The following PIGS variants were observed in gnomAD, a reference collection of about 807,000 sequenced individuals.
The protein encoded by PIGS is GPI-anchor transamidase component PIGS.
Under a neutral mutation model 58.2 loss-of-function variants are expected in PIGS, and 37 were observed. The ratio of observed to expected loss-of-function variants is 0.64; its 90% confidence interval spans 0.49 to 0.84. The LOEUF is 0.84. Among genes scored for constraint, PIGS ranks in the 40% least tolerant of loss-of-function variants. The pLI is 0.00. For synonymous variants in PIGS, 269 were observed against 289.2 expected (o/e 0.93, Z 0.71); for missense variants, 629 against 710.8 (o/e 0.88, Z 1.31).
At chr17:28,556,321 G>T (rs1486855312) in intron 9 of PIGS, 55 bp from the exon 10 acceptor site, 9 of 1,323,124 alleles carry the variant, frequency 6.8e-6, no homozygotes, top group Non-Finnish European at 9.8e-6. Flanking sequence ...GCACAGCTCT[G>T]CCCTAGGCAC....
intron 3 of PIGS, among the ~76,000 whole-genome samples, chr17:28,565,712 G>T (rs1406482417): frequency 3.9e-5 from 6 of 152,082 alleles, no homozygotes; most frequent in Non-Finnish European, 7.3e-5. Flanking sequence ...AACACAGTGA[G>T]ACCCCGTCTC....
rs1298942978 is a variant in PIGS, at chr17:28,554,344, T to G, written c.1544A>C (p.Asp515Ala). ...PSLLHLLYFP[D>A]DQKFAIYIPL... The stretch of plus-strand genomic sequence containing the variant: ...GATGTAGATGGCAAACTTCTGGTCA[T>G]CAGGGAAATAAAGGAGGTGGAGGAG... The change falls in exon 12 of 12, where the codon GAT (aspartate) becomes GCT (alanine). Residue 515 changes from aspartate to alanine, a missense_variant. Coordinates refer to ENST00000308360, the MANE Select transcript of PIGS (RefSeq NM_033198.4). The G allele has an allele frequency of 6.2e-7, 1 of 1,614,038 alleles. No homozygotes were observed. The highest frequency in any genetic ancestry group is 8.5e-7 in the Non-Finnish European group (1 of 1,180,032).
At position 28,571,075 on chromosome 17, in the gene PIGS, G is replaced by A; in HGVS notation, c.148C>T (p.Gln50Ter). 6.2e-7 allele frequency: 1 copy of A among 1,614,144 alleles called. No individual in the cohort carries two copies. Among genetic ancestry groups the A allele is most frequent in the South Asian group, 1.1e-5 (1 of 91,080 alleles). Residue 50 changes from glutamine to a stop codon, truncating the protein, a stop_gained, in exon 2 of 12, where the codon CAG (glutamine) becomes TAG (stop). Coordinates refer to ENST00000308360, the MANE Select transcript of PIGS (RefSeq NM_033198.4). LOFTEE classifies it high-confidence loss of function. ...TGAAGGGCATTCAGGCCACTGATCT[G>A]GGAGTAAGGCAACGAGGCCCGGTAG... ...ETYRASLPYS[Q>*]ISGLNALQLR...
intron 6 of PIGS, 24 bp from the exon 7 acceptor site, chr17:28,560,215 G>C (rs2070355097): frequency 6.2e-7 from 1 of 1,605,922 alleles, no homozygotes; most frequent in African/African-American, 1.3e-5. Flanking sequence ...AGTCAGGGAA[G>C]TCAGAGGCTC....
Position 28,554,048 on chromosome 17 carries a change from A to G in PIGS, c.*172T>C. 1 of 814,878 alleles carries G rather than the reference A, an allele frequency of 1.2e-6. No individual in the cohort carries two copies. The highest frequency in any genetic ancestry group is 2.7e-5 in the East Asian group (1 of 37,722). The allele number at this position is 814,878 out of a possible 1,614,324, so 50.5% of individuals were successfully genotyped here. A position where few individuals can be genotyped will look rare whatever the true frequency, so the allele number is the denominator to read the frequency against. ...GATTGAGCCAGGTGAATGGGAAAGG[A>G]AGAAAAGATGAACCCATCTTGGAGT... is the stretch of plus-strand genomic sequence containing the variant. On this transcript the variant is annotated 3_prime_UTR_variant, in exon 12 of 12. Transcript: ENST00000308360.
intron 10 of PIGS, chr17:28,555,933 C>CA: frequency 2.3e-6 from 1 of 429,748 alleles, no homozygotes; most frequent in Non-Finnish European, 4.2e-6. Flanking sequence ...GGCACCACTG[C>CA]ACTCCGGCCT....
intron 7 of PIGS, 100 bp from the exon 8 acceptor site, chr17:28,558,690 G>A: frequency 2.2e-6 from 2 of 921,138 alleles, no homozygotes; most frequent in East Asian, 2.7e-5. Flanking sequence ...ATCAGGACAA[G>A]GCAACATATA....
intron 9 of PIGS, chr17:28,556,518 C>A: frequency 1.4e-6 from 1 of 730,388 alleles, no homozygotes. Context: ...GAGAAACTTC[C>A]AGTCTAACAA....
chr17:28,554,769 CA>C, intron 11 of PIGS, 81 bp downstream of exon 11: 1 of 1,544,170 alleles, frequency 6.5e-7, no homozygotes. Context: ...ATGGACCTCA[CA>C]GGCTCTCTGG....
chr17:28,566,282 T>C (rs1173058208), intron 3 of PIGS, among the ~76,000 whole-genome samples: 1 of 148,624 alleles, frequency 6.7e-6, no homozygotes, highest in Non-Finnish European at 1.5e-5. Flanking sequence ...TTTTTTTTTT[T>C]TTTTTTGTTT....
chr17:28,562,509 T>C (rs909954799), intron 5 of PIGS, among the ~76,000 whole-genome samples: 100 of 152,226 alleles, frequency 6.6e-4, no homozygotes, highest in Admixed American at 5.9e-3. Flanking sequence ...TCTTGGCTCA[T>C]TGCAACCTCC....
intron 3 of PIGS, 76 bp downstream of exon 3, chr17:28,570,775 AC>A (rs2070422072): frequency 5.0e-6 from 7 of 1,388,972 alleles, no homozygotes; most frequent in Non-Finnish European, 7.2e-6. Flanking sequence ...TTTATGGTAC[AC>A]CCCCGCTCCT....
intron 3 of PIGS, among the ~76,000 whole-genome samples, chr17:28,566,141 G>A (rs546047093): frequency 6.7e-6 from 1 of 149,780 alleles, no homozygotes. Flanking sequence ...CTTGAGGTAA[G>A]AGGACCACTT....
intron 5 of PIGS, among the ~76,000 whole-genome samples, chr17:28,563,098 G>A (rs998461542): frequency 1.3e-5 from 2 of 152,106 alleles, no homozygotes; most frequent in African/African-American, 4.8e-5. Context: ...ACAAGGTCAG[G>A]AGTTCGAGAC....
intron 8 of PIGS, 111 bp from the exon 9 acceptor site, chr17:28,557,083 C>G: frequency 1.7e-6 from 2 of 1,170,908 alleles, no homozygotes; most frequent in Non-Finnish European, 1.2e-6. Context: ...CCCCAACTAA[C>G]AATCATTAGG....
At position 28,571,086 on chromosome 17, in the gene PIGS, A is replaced by C; in HGVS notation, c.137T>G (p.Leu46Trp). Residue 46 changes from leucine to tryptophan, a missense_variant, in exon 2 of 12, where the codon TTG becomes TGG. By Grantham distance (61) the Leu-to-Trp change is moderately conservative. Coordinates refer to ENST00000308360, the MANE Select transcript of PIGS (RefSeq NM_033198.4). ...WKTTETYRAS[L>W]PYSQISGLNA... is the part of the protein sequence containing the mutation. ...CAGGCCACTGATCTGGGAGTAAGGC[A>C]ACGAGGCCCGGTAGGTCTCCGTGGT... The C allele has an allele frequency of 1.2e-6, 2 of 1,614,106 alleles. No individual in the cohort carries two copies. Among genetic ancestry groups the C allele is most frequent in the African/African-American group, 1.3e-5 (1 of 75,038 alleles).
At position 28,563,469 on chromosome 17, in the gene PIGS, C is replaced by G. The variant is rs1488279254; in HGVS notation, c.430G>C (p.Val144Leu). 1.2e-6 allele frequency: 2 copies of G among 1,614,034 alleles called. No individual in the cohort carries two copies. Among genetic ancestry groups the G allele is most frequent in the African/African-American group, 2.7e-5 (2 of 74,922 alleles). The change falls in exon 5 of 12, where the codon GTG becomes CTG. Residue 144 changes from valine (V) to leucine (L), a missense_variant. By Grantham distance (32) the Val-to-Leu change is conservative. Transcript: ENST00000308360. Reference sequence around the variant, plus strand: ...GAGGAGTGTTCAGATATCACGTACACAGTCAGGGAGCCCTCCGCTTGTTCC... The same window carrying G: ...GAGGAGTGTTCAGATATCACGTACAGAGTCAGGGAGCCCTCCGCTTGTTCC... ...PQEQAEGSLTVYVISEHSSLL... is the reference protein window; with the variant it reads ...PQEQAEGSLTLYVISEHSSLL...
chr17:28,559,128 C>T (rs1181060258), intron 7 of PIGS, among the ~76,000 whole-genome samples: 4 of 151,812 alleles, frequency 2.6e-5, no homozygotes, highest in African/African-American at 9.7e-5. Context: ...TAAAGGTACG[C>T]GCCACCATGC....
rs111335060 is a variant in PIGS at position 28,554,971 on chromosome 17, G to A, written c.1272C>T (p.Asp424=). Reference sequence around the variant, plus strand: ...CCACTGACCGAGCCCAGAGCAGCCGGTCTAGCTCCCAGGTCATTAGCCCTT... The same window carrying A: ...CCACTGACCGAGCCCAGAGCAGCCGATCTAGCTCCCAGGTCATTAGCCCTT... The part of the protein sequence containing the change: ...TSEGLMTWEL[D]RLLWARSVEN... Residue 424 remains aspartate, a synonymous_variant, in exon 11 of 12, where the codon GAC becomes GAT. Coordinates refer to ENST00000308360, the MANE Select transcript of PIGS (RefSeq NM_033198.4). 2.5e-6 allele frequency: 4 copies of A among 1,611,906 alleles called. No individual in the cohort carries two copies. The highest frequency in any genetic ancestry group is 1.3e-5 in the African/African-American group (1 of 75,032).
Sources: gnomAD v4.1 joint callset for allele counts (sites outside exome capture counted in the v4.1 genomes callset) on GRCh38, gnomAD v4.1.1 for gene constraint, MANE v1.5 for transcripts, NCBI Gene and HGNC (gene_info 2026-07-23, HGNC 2026-07-21) for gene names.